Variants in FLNA observed in about 807,000 individuals in gnomAD.
FLNA encodes filamin-A.
A neutral mutation model predicts 157.6 loss-of-function variants in FLNA; 7 were observed. That is an observed-to-expected ratio of 0.04 (90% CI 0.03 to 0.08). The LOEUF is 0.08. Among genes scored for constraint, FLNA ranks in the 10% least tolerant of loss-of-function variants. The pLI, the probability that FLNA is intolerant of heterozygous loss-of-function variation, is 1.00. For missense variants in FLNA, 1,750 were observed against 2,398.4 expected, an observed-to-expected ratio of 0.73 and a Z score of 5.65; for synonymous variants, 1,103 against 1,060.8, an observed-to-expected ratio of 1.04 and a Z score of -0.77.
At chrX:154,351,162 T>G in intron 43 of FLNA, 121 bp from the exon 44 acceptor site, 6 of 807,413 alleles carry the variant, frequency 7.4e-6, no homozygotes, top group Non-Finnish European at 1.1e-5. Context: ...CAACTTGGTT[T>G]AAAGAGGGAG....
chrX:154,366,289 C>T lies in FLNA; in HGVS notation c.1228+19G>A, dbSNP rs782163303. 1.7e-6 allele frequency: 2 copies of T among 1,211,462 alleles called. No homozygotes were observed. Among genetic ancestry groups the T allele is most frequent in the Admixed American group, 4.3e-5 (2 of 46,123 alleles). On this transcript the variant is annotated intron_variant, in intron 8 of 47. Transcript: ENST00000369850. ...GGCTCTCCCCACAGACCAGCTGGGC[C>T]TTGGCAGCCTCCCCTCACCTGCCGT... is the stretch of plus-strand genomic sequence containing the variant.
rs782483195 is a variant in FLNA, at chrX:154,353,075, C to T, written c.6152G>A (p.Arg2051Gln). The change falls in exon 38 of 48, where the codon CGG (arginine) becomes CAG (glutamine). Residue 2051 changes from arginine to glutamine, a missense_variant. Around this residue, in one of 5 missense-constraint regions of FLNA, gnomAD observed 970 missense variants for 1,302.6 expected, o/e 0.74. Coordinates refer to ENST00000369850, the MANE Select transcript of FLNA (RefSeq NM_001110556.2). ...TTCGTGAAGGCCCTGACCAGAGACC[C>T]GAACACGACTGGCATCCCCAATTTC... ...QSEIGDASRVRVSGQGLHEGH... is the reference protein window; with the variant it reads ...QSEIGDASRVQVSGQGLHEGH... 8.3e-6 allele frequency: 10 copies of T among 1,210,266 alleles called. No individual in the cohort carries two copies. Among genetic ancestry groups the T allele is most frequent in the South Asian group, 5.3e-5 (3 of 56,895 alleles).
At chrX:154,361,214 G>T in intron 21 of FLNA, 94 bp downstream of exon 21, 3 of 790,074 alleles carry the variant, frequency 3.8e-6, no homozygotes, top group Non-Finnish European at 5.3e-6. Flanking sequence ...AAAAAAAAAA[G>T]GATTTAGGGC....
chrX:154,350,278 C>A (rs1557175488), intron 44 of FLNA, 71 bp from the exon 45 acceptor site: 1 of 993,774 alleles, frequency 1.0e-6, no homozygotes, highest in Non-Finnish European at 1.4e-6. Flanking sequence ...CTGTGAGGAA[C>A]AGCCTCAACC....
intron 29 of FLNA, 71 bp from the exon 30 acceptor site, chrX:154,357,345 C>T: frequency 8.4e-7 from 1 of 1,189,263 alleles, no homozygotes. Context: ...CCCACTCCCA[C>T]ACGCCGCCCC....
Position 154,352,163 on chromosome X carries a change from G to A in FLNA, c.6769+18C>T, listed in dbSNP as rs782660300. The A allele has an allele frequency of 8.3e-7, 1 of 1,210,175 alleles. No individual in the cohort carries two copies. Among genetic ancestry groups the A allele is most frequent in the Admixed American group, 2.2e-5 (1 of 46,132 alleles). On this transcript the variant is annotated intron_variant, in intron 41 of 47. Coordinates refer to ENST00000369850, the MANE Select transcript of FLNA (RefSeq NM_001110556.2). ...GCCAACGCAGGAGAGCGAGCACTCG[G>A]GGTGTGAGCAGGCCTACCTGGCACT...
Position 154,358,340 on chromosome X carries a change from C to T in FLNA, c.4614G>A (p.Lys1538=), listed in dbSNP as rs1557177261. 2 of 1,211,547 alleles carry T rather than the reference C, an allele frequency of 1.7e-6. No homozygotes were observed. Among genetic ancestry groups the T allele is most frequent in the Admixed American group, 2.2e-5 (1 of 46,127 alleles). ...EEVPRSPFKV[K]VLPTHDASKV... ...TGCTGGCATCATGAGTAGGCAGCAC[C>T]TTGACCTTGAAGGGGCTGTGAGGGA... Residue 1538 remains lysine (K), a synonymous_variant, in exon 28 of 48, where the codon AAG becomes AAA. Transcript: ENST00000369850.
Position 154,350,957 on chromosome X carries a change from T to C in FLNA, c.7108A>G (p.Ser2370Gly), listed in dbSNP as rs1557175616. ...CACTCCTCCAGGGCTCCTGAGGGGC[T>C]GTGCACCTTGGCATCGATCGCCCCC... ...AKGAIDAKVH[S>G]PSGALEECYV... The change falls in exon 44 of 48, where the codon AGC becomes GGC. Residue 2370 changes from serine (S) to glycine (G), a missense_variant. Around this residue, in one of 5 missense-constraint regions of FLNA, gnomAD observed 970 missense variants for 1,302.6 expected, o/e 0.74. Transcript: ENST00000369850. 2.1e-5 allele frequency: 25 copies of C among 1,209,450 alleles called. No homozygotes were observed. The highest frequency in any genetic ancestry group is 2.8e-5 in the Non-Finnish European group (25 of 894,167).
At chrX:154,368,767 C>T (rs1300810008) in intron 2 of FLNA, among the ~76,000 whole-genome samples, 1 of 113,124 alleles carries the variant, frequency 8.8e-6, no homozygotes, top group African/African-American at 3.2e-5. Context: ...GCCCAGAGCC[C>T]AAAGGAACCA....
intron 9 of FLNA, 56 bp from the exon 10 acceptor site, chrX:154,365,542 T>G: frequency 2.5e-6 from 3 of 1,183,335 alleles, no homozygotes; most frequent in South Asian, 1.8e-5. Flanking sequence ...ACCCCTCCCT[T>G]GCCTCCCACA....
rs2067671596 is a variant in FLNA, at chrX:154,357,455, C to T, written c.4924G>A (p.Ala1642Thr). The T allele has an allele frequency of 1.7e-6, 2 of 1,207,878 alleles. No individual in the cohort carries two copies. Among genetic ancestry groups the T allele is most frequent in the South Asian group, 1.8e-5 (1 of 56,844 alleles). Reference sequence around the variant, plus strand: ...TCACCTGTGACAGTGCACTTGCTGGCGTCCCCGGTGGGCACGGCACGCACG... The same window carrying T: ...TCACCTGTGACAGTGCACTTGCTGGTGTCCCCGGTGGGCACGGCACGCACG... The part of the protein sequence containing the change: ...YRVRAVPTGD[A>T]SKCTVTVSIG... Residue 1642 changes from alanine (A) to threonine (T), a missense_variant, in exon 29 of 48, where the codon GCC (alanine) becomes ACC (threonine). Physicochemically the swap from Ala to Thr is moderately conservative, Grantham distance 58 (BLOSUM62 0). Coordinates refer to ENST00000369850, the MANE Select transcript of FLNA (RefSeq NM_001110556.2).
chrX:154,365,602 GA>G, intron 9 of FLNA, 116 bp from the exon 10 acceptor site: 3 of 877,340 alleles, frequency 3.4e-6, no homozygotes, highest in Non-Finnish European at 4.8e-6. Context: ...GCTGGAGGGG[GA>G]CATGCAAGAC....
At chrX:154,361,213 A>G (rs1603361482) in intron 21 of FLNA, 95 bp downstream of exon 21, 6 of 809,546 alleles carry the variant, frequency 7.4e-6, no homozygotes, top group Middle Eastern at 4.4e-4. Context: ...AAAAAAAAAA[A>G]GGATTTAGGG....
intron 2 of FLNA, among the ~76,000 whole-genome samples, chrX:154,368,325 G>A (rs925438554): frequency 4.5e-5 from 5 of 111,883 alleles, no homozygotes; most frequent in African/African-American, 1.6e-4. Context: ...ACACACACAC[G>A]ATGCCAGCAG....
rs1007934851 is a variant in FLNA at position 154,358,154 on chromosome X, G to T, written c.4755+45C>A. 3.3e-6 allele frequency: 4 copies of T among 1,196,365 alleles called. No homozygotes were observed. The African/African-American group carries it at 5.2e-5, about 16-fold the overall frequency. On this transcript the variant is annotated intron_variant, in intron 28 of 47. Coordinates refer to ENST00000369850, the MANE Select transcript of FLNA (RefSeq NM_001110556.2). Reference sequence around the variant, plus strand: ...CCAGCCACCCGCAGCCCACACTCCAGCCGCCCAGGCCCCCCTGCCTCCCCT... The same window carrying T: ...CCAGCCACCCGCAGCCCACACTCCATCCGCCCAGGCCCCCCTGCCTCCCCT...
intron 19 of FLNA, 80 bp from the exon 20 acceptor site, chrX:154,361,867 G>C (rs1310353741): frequency 9.1e-7 from 1 of 1,096,300 alleles, no homozygotes; most frequent in African/African-American, 1.8e-5. Context: ...CTCCATGCCT[G>C]TCCTCTCCCA....
rs782088697 is a variant in FLNA, at chrX:154,352,397, T to C, written c.6553A>G (p.Thr2185Ala). The change falls in exon 41 of 48, where the codon ACC (threonine) becomes GCC (alanine). Residue 2185 changes from threonine to alanine, a missense_variant. Physicochemically the swap from Thr to Ala is moderately conservative, Grantham distance 58. Coordinates refer to ENST00000369850, the MANE Select transcript of FLNA (RefSeq NM_001110556.2). ...TAQVTSPSGK[T>A]HEAEIVEGEN... The stretch of plus-strand genomic sequence containing the variant: ...CCTTCCACGATCTCGGCCTCATGGG[T>C]CTTGCCCGATGGGCTGGTCACCTGG... 4 of 1,211,882 alleles carry C rather than the reference T, an allele frequency of 3.3e-6. No homozygotes were observed. In the South Asian group the frequency reaches 5.3e-5, roughly 16 times the overall value.
Position 154,364,515 on chromosome X carries a change from CT to C in FLNA, c.2022+10del. 6 of 1,209,021 alleles carry C rather than the reference CT, an allele frequency of 5.0e-6. No individual in the cohort carries two copies. Among genetic ancestry groups the C allele is most frequent in the Non-Finnish European group, 6.7e-6 (6 of 894,947 alleles). ...AGGGCGAGACTTAGGCCATCACAGC[CT>C]GCTCTTTACCCTGTCTGGGTGGAAG... On this transcript the variant is annotated intron_variant, in intron 13 of 47. Transcript: ENST00000369850.
Position 154,363,574 on chromosome X carries a change from G to A in FLNA, c.2280+448C>T, listed in dbSNP as rs183480035. Among the ~76,000 whole-genome samples, 482 of 110,228 alleles carry A rather than the reference G, an allele frequency of 4.4e-3. 7 individuals are homozygous for A. Among genetic ancestry groups the A allele is most frequent in the Non-Finnish European group, 4.2e-3 (223 of 52,648 alleles). On this transcript the variant is annotated intron_variant, in intron 15 of 47. Transcript: ENST00000369850. Reference sequence around the variant, plus strand: ...CTAAAAATACAAAAAATTAGCCGGGGGGGTGGCGGGCGCCTGTAGTCCCAG... The same window carrying A: ...CTAAAAATACAAAAAATTAGCCGGGAGGGTGGCGGGCGCCTGTAGTCCCAG...
Sources: gnomAD v4.1 joint callset for allele counts (sites outside exome capture counted in the v4.1 genomes callset) on GRCh38, gnomAD v4.1.1 for gene constraint, gnomAD v4.1.1 regional missense constraint, MANE v1.5 for transcripts, NCBI Gene and HGNC (gene_info 2026-07-23, HGNC 2026-07-21) for gene names.